Variants in PRICKLE1 observed in about 807,000 individuals in gnomAD.
The protein encoded by PRICKLE1 is prickle planar cell polarity protein 1, also known as prickle-like protein 1.
A neutral mutation model predicts 70.2 loss-of-function variants in PRICKLE1; 14 were observed. That is an observed-to-expected ratio of 0.20 (90% confidence interval 0.13 to 0.31). The LOEUF is 0.31. PRICKLE1 is among the 10% of genes least tolerant of loss of function. PRICKLE1 has a pLI of 1.00. For missense variants in PRICKLE1, 821 were observed against 1,026.2 expected, an observed-to-expected ratio of 0.80 and a Z score of 2.73; for synonymous variants, 357 against 379.9, an observed-to-expected ratio of 0.94 and a Z score of 0.70.
chr12:42,470,962 G>C (rs1938298716), intron 2 of PRICKLE1, among the ~76,000 whole-genome samples: 1 of 151,762 alleles, frequency 6.6e-6, no homozygotes, highest in South Asian at 2.1e-4. Flanking sequence ...TCAGACAAGA[G>C]ATCAGCAAGA....
At chr12:42,506,238 A>C (rs1013574229) in intron 1 of PRICKLE1, among the ~76,000 whole-genome samples, 1 of 144,026 alleles carries the variant, frequency 6.9e-6, no homozygotes, top group African/African-American at 2.6e-5. Flanking sequence ...ATAAGTAAAA[A>C]ATGTTCTTTT....
intron 1 of PRICKLE1, among the ~76,000 whole-genome samples, chr12:42,539,974 G>A (rs1229862593): frequency 1.3e-5 from 2 of 152,116 alleles, no homozygotes; most frequent in Admixed American, 6.5e-5. Flanking sequence ...CATTCTAGGC[G>A]GTGTGAGAAG....
chr12:42,537,406 C>T (rs896166306), intron 1 of PRICKLE1, among the ~76,000 whole-genome samples: 3 of 152,164 alleles, frequency 2.0e-5, no homozygotes, highest in African/African-American at 7.2e-5. Flanking sequence ...CTCAAGCGAC[C>T]ATCCTGCCTC....
chr12:42,585,274 T>C (rs1940969001), intron 1 of PRICKLE1, among the ~76,000 whole-genome samples: 1 of 152,244 alleles, frequency 6.6e-6, no homozygotes, highest in Non-Finnish European at 1.5e-5. Flanking sequence ...CTGACATTTT[T>C]ACTTTTATTT....
intron 1 of PRICKLE1, among the ~76,000 whole-genome samples, chr12:42,476,837 A>G (rs1938558155): frequency 6.7e-6 from 1 of 150,194 alleles, no homozygotes; most frequent in Non-Finnish European, 1.5e-5. Context: ...TTTTGTAGAG[A>G]TGGGGTCTCC....
At chr12:42,498,033 G>C (rs182503855) in intron 1 of PRICKLE1, among the ~76,000 whole-genome samples, 1 of 152,160 alleles carries the variant, frequency 6.6e-6, no homozygotes, top group African/African-American at 2.4e-5. Context: ...TAATAGAGAT[G>C]GGTCTCACTA....
chr12:42,538,495 G>A (rs1940052267), intron 1 of PRICKLE1, among the ~76,000 whole-genome samples: 1 of 152,158 alleles, frequency 6.6e-6, no homozygotes, highest in Admixed American at 6.5e-5. Context: ...TGCGGGGGTG[G>A]AAGTGTTGAC....
intron 1 of PRICKLE1, among the ~76,000 whole-genome samples, chr12:42,528,589 A>G (rs537754070): frequency 3.7e-4 from 56 of 152,350 alleles, no homozygotes; most frequent in African/African-American, 1.3e-3. Context: ...TTAGCTTATT[A>G]AATAGGTAAG....
At chr12:42,550,107 C>G (rs1434165916) in intron 1 of PRICKLE1, 1 of 152,360 alleles carries the variant, frequency 6.6e-6, no homozygotes, top group Non-Finnish European at 1.5e-5. Context: ...ACATTGCAAG[C>G]CCCTTGAAAT....
chr12:42,462,625 T>A (rs1395498024), intron 7 of PRICKLE1, among the ~76,000 whole-genome samples: 1 of 152,172 alleles, frequency 6.6e-6, no homozygotes, highest in Non-Finnish European at 1.5e-5. Flanking sequence ...GCCTTATCTT[T>A]GACAAGTCCA....
intron 1 of PRICKLE1, among the ~76,000 whole-genome samples, chr12:42,479,299 C>G (rs1938700663): frequency 6.6e-6 from 1 of 152,200 alleles, no homozygotes; most frequent in South Asian, 2.1e-4. Flanking sequence ...GAACGGCAGA[C>G]AATTTTGCCA....
chr12:42,461,044 G>T (rs1937813212), intron 7 of PRICKLE1, among the ~76,000 whole-genome samples: 1 of 152,070 alleles, frequency 6.6e-6, no homozygotes, highest in South Asian at 2.1e-4. Flanking sequence ...ACCACACCTG[G>T]CTACTTTTGT....
chr12:42,502,334 G>T (rs1325722396), intron 1 of PRICKLE1, among the ~76,000 whole-genome samples: 2 of 149,488 alleles, frequency 1.3e-5, no homozygotes, highest in Non-Finnish European at 3.0e-5. Flanking sequence ...TTGAGACAGG[G>T]TCTCATTCTG....
Position 42,469,495 on chromosome 12 carries a change from T to C in PRICKLE1, c.339A>G (p.Thr113=). Residue 113 remains threonine, a synonymous_variant, in exon 4 of 8, where the codon ACA becomes ACG. Transcript: ENST00000345127. ...QRKKEALGRG[T]IKLLSRAVMH... Reference sequence around the variant, plus strand: ...TGACTGCTCTGGACAGAAGCTTAATTGTTCCTCTTCCCAGTGCTTCTTTCT... The same window carrying C: ...TGACTGCTCTGGACAGAAGCTTAATCGTTCCTCTTCCCAGTGCTTCTTTCT... 1 of 1,614,176 alleles carries C rather than the reference T, an allele frequency of 6.2e-7. No individual in the cohort carries two copies. Among genetic ancestry groups the C allele is most frequent in the Non-Finnish European group, 8.5e-7 (1 of 1,180,030 alleles).
chr12:42,500,886 A>T (rs959261019), intron 1 of PRICKLE1, among the ~76,000 whole-genome samples: 9 of 152,168 alleles, frequency 5.9e-5, no homozygotes, highest in African/African-American at 2.2e-4. Flanking sequence ...TTTACTTAAC[A>T]CAAACTCTAG....
chr12:42,571,380 A>C (rs1263310634), intron 1 of PRICKLE1, among the ~76,000 whole-genome samples: 1 of 152,242 alleles, frequency 6.6e-6, no homozygotes, highest in Non-Finnish European at 1.5e-5. Context: ...CCTCCAAGAG[A>C]ATACAAAAAG....
intron 1 of PRICKLE1, among the ~76,000 whole-genome samples, chr12:42,527,124 TCCTC>T (rs1481459458): frequency 8.7e-5 from 10 of 114,330 alleles, no homozygotes; most frequent in South Asian, 3.0e-4. Flanking sequence ...TTTTTTTTTT[TCCTC>T]TTTTTTTTTT....
At chr12:42,539,811 A>T (rs1259595298) in intron 1 of PRICKLE1, among the ~76,000 whole-genome samples, 1 of 152,334 alleles carries the variant, frequency 6.6e-6, no homozygotes, top group Non-Finnish European at 1.5e-5. Context: ...ACAAGAAAAA[A>T]GTTTTATTAA....
At position 42,463,793 on chromosome 12, in the gene PRICKLE1, G is replaced by A. The variant is rs149206261; in HGVS notation, c.1639+602C>T. ...AGAATACATACAGAATAATTCAAGC[G>A]TACAATATCTTTCAGACACAATCCA... On this transcript the variant is annotated intron_variant, in intron 7 of 7. Transcript: ENST00000345127. 4.6e-3 allele frequency: 748 copies of A among 162,338 alleles called. 9 individuals are homozygous for A. The highest frequency in any genetic ancestry group is 0.017 in the African/African-American group (713 of 41,564). 10.1% of individuals were successfully genotyped at this position (162,338 alleles called of 1,614,324 possible). A position where few individuals can be genotyped will look rare whatever the true frequency, so the allele number is the denominator to read the frequency against.
Sources: allele counts gnomAD v4.1 joint callset (sites outside exome capture counted in the v4.1 genomes callset), GRCh38; gene constraint gnomAD v4.1.1; transcripts MANE v1.5; gene names NCBI Gene and HGNC (gene_info 2026-07-23, HGNC 2026-07-21).